SLC5A3: variants seen among roughly 807,000 people sequenced by gnomAD.
SLC5A3 encodes the protein sodium/myo-inositol cotransporter.
Under a neutral mutation model 43.2 loss-of-function variants are expected in SLC5A3, and 10 were observed. The observed-to-expected ratio is 0.23, with a 90% CI of 0.14 to 0.39. The LOEUF (loss-of-function observed/expected upper bound fraction) is 0.39. Among genes scored for constraint, SLC5A3 ranks in the 10% least tolerant of loss-of-function variants. SLC5A3 has a pLI of 1.00. For missense variants in SLC5A3, 608 were observed against 893.4 expected, an observed-to-expected ratio of 0.68 and a Z score of 4.07; for synonymous variants, 349 against 322.0, an observed-to-expected ratio of 1.08 and a Z score of -0.90.
At position 34,095,023 on chromosome 21, in the gene SLC5A3, T is replaced by C. The variant is rs553220818; in HGVS notation, c.-176T>C. On this transcript the variant is annotated 5_prime_UTR_variant, in exon 2 of 2. Coordinates refer to ENST00000381151, the MANE Select transcript of SLC5A3 (RefSeq NM_006933.7). ...AAATTTAAACTGTCTTCTTCAAAGT[T>C]TATCACAACCACCACCATCAAGACA... 137 of 739,086 alleles carry C rather than the reference T, an allele frequency of 1.9e-4. No homozygotes were observed. The highest frequency in any genetic ancestry group is 1.9e-4 in the Non-Finnish European group (90 of 484,534). The allele number at this position is 739,086 out of a possible 1,614,324, so 45.8% of individuals were successfully genotyped here.
Position 34,105,446 on chromosome 21 carries a change from TGTC to T in SLC5A3, c.*8092_*8094del. 2.0e-6 allele frequency: 2 copies of T among 999,090 alleles called. No homozygotes were observed. Among genetic ancestry groups the T allele is most frequent in the Non-Finnish European group, 2.4e-6 (2 of 829,028 alleles). 61.9% of individuals were successfully genotyped at this position (999,090 alleles called of 1,614,324 possible). A position where few individuals can be genotyped will look rare whatever the true frequency, so the allele number is the denominator to read the frequency against. ...TTCATTCATTTATTTTTAAGCCAAATGTCAGCAGAGTGCTGCTGCTTTTATCTA... is the reference window on the plus strand; with the variant it reads ...TTCATTCATTTATTTTTAAGCCAAATAGCAGAGTGCTGCTGCTTTTATCTA... On this transcript the variant is annotated 3_prime_UTR_variant, in exon 2 of 2. Transcript: ENST00000381151.
At chr21:34,077,682 C>T (rs143033418) in intron 1 of SLC5A3, among the ~76,000 whole-genome samples, 2,083 of 152,200 alleles carry the variant, frequency 0.014, 10 homozygotes, top group Non-Finnish European at 0.023. Flanking sequence ...TAATACTCAA[C>T]GCAGATTATA....
chr21:34,086,030 C>T (rs1052706576), intron 1 of SLC5A3, among the ~76,000 whole-genome samples: 5 of 152,198 alleles, frequency 3.3e-5, no homozygotes, highest in African/African-American at 1.2e-4. Flanking sequence ...GACTCTGAAT[C>T]TAAACAAGGT....
rs780598603 is a variant in SLC5A3 at position 34,098,490 on chromosome 21, A to G, written c.*1135A>G. The G allele has an allele frequency of 4.0e-6, 4 of 1,000,146 alleles. No homozygotes were observed. The highest frequency in any genetic ancestry group is 4.8e-6 in the Non-Finnish European group (4 of 829,980). 62.0% of individuals were successfully genotyped at this position (1,000,146 alleles called of 1,614,324 possible). On this transcript the variant is annotated 3_prime_UTR_variant, in exon 2 of 2. Transcript: ENST00000381151. The stretch of plus-strand genomic sequence containing the variant: ...TTTTTTTTTCCTCAAAAGACTTTCC[A>G]TCTGTACACAGCCTCTACATTTTTG...
Position 34,095,659 on chromosome 21 carries a change from T to C in SLC5A3, c.461T>C (p.Leu154Ser). Residue 154 changes from leucine (L) to serine (S), a missense_variant, in exon 2 of 2, where the codon TTG (leucine) becomes TCG (serine). By Grantham distance (145) the Leu-to-Ser change is moderately radical. Around this residue, in one of 2 missense-constraint regions of SLC5A3, gnomAD observed 398 missense variants for 668.6 expected, o/e 0.60. Transcript: ENST00000381151. ...GGTGCCCTTTTTATCCAGGAGTCTT[T>C]GGGTTGGAATCTTTATGTGTCTGTC... ...YSGALFIQES[L>S]GWNLYVSVIL... 1.2e-6 allele frequency: 2 copies of C among 1,613,718 alleles called. No individual in the cohort carries two copies. The highest frequency in any genetic ancestry group is 1.7e-6 in the Non-Finnish European group (2 of 1,179,890).
At chr21:34,088,064 A>G (rs1978487490) in intron 1 of SLC5A3, among the ~76,000 whole-genome samples, 1 of 152,200 alleles carries the variant, frequency 6.6e-6, no homozygotes, top group East Asian at 1.9e-4. Flanking sequence ...ACAACAGGCA[A>G]CTACAACACT....
At position 34,097,758 on chromosome 21, in the gene SLC5A3, C is replaced by G; in HGVS notation, c.*403C>G. The stretch of plus-strand genomic sequence containing the variant: ...CATTTCTAAATTTTTTTTTCTGTCT[C>G]TGTAATCCCTCCTACCATTAAGAAA... On this transcript the variant is annotated 3_prime_UTR_variant, in exon 2 of 2. Coordinates refer to ENST00000381151, the MANE Select transcript of SLC5A3 (RefSeq NM_006933.7). 1.0e-6 allele frequency: 1 copy of G among 1,004,082 alleles called. No homozygotes were observed. The highest frequency in any genetic ancestry group is 4.7e-5 in the South Asian group (1 of 21,476). 62.2% of individuals were successfully genotyped at this position (1,004,082 alleles called of 1,614,324 possible). A position where few individuals can be genotyped will look rare whatever the true frequency, so the allele number is the denominator to read the frequency against.
chr21:34,077,095 A>G (rs1989350425), intron 1 of SLC5A3, among the ~76,000 whole-genome samples: 1 of 152,086 alleles, frequency 6.6e-6, no homozygotes, highest in South Asian at 2.1e-4. Context: ...AGATGAGGAG[A>G]AGGGGTCATG....
Position 34,095,625 on chromosome 21 carries a change from C to T in SLC5A3, c.427C>T (p.Leu143=), listed in dbSNP as rs143944881. ...TATTTTCACCAAGCTCTCGGTGGAT[C>T]TGTATTCGGGTGCCCTTTTTATCCA... ...LYIFTKLSVD[L]YSGALFIQES... Residue 143 remains leucine, a synonymous_variant, in exon 2 of 2, where the codon CTG becomes TTG. Coordinates refer to ENST00000381151, the MANE Select transcript of SLC5A3 (RefSeq NM_006933.7). The T allele has an allele frequency of 9.0e-5, 145 of 1,610,768 alleles. 1 individual carries two copies. The highest frequency in any genetic ancestry group is 3.2e-4 in the South Asian group (29 of 90,748).
chr21:34,098,014 T>G lies in SLC5A3; in HGVS notation c.*659T>G. 1.0e-6 allele frequency: 1 copy of G among 999,332 alleles called. No homozygotes were observed. The highest frequency in any genetic ancestry group is 1.2e-6 in the Non-Finnish European group (1 of 829,722). The allele number at this position is 999,332 out of a possible 1,614,324, so 61.9% of individuals were successfully genotyped here. A position where few individuals can be genotyped will look rare whatever the true frequency, so the allele number is the denominator to read the frequency against. On this transcript the variant is annotated 3_prime_UTR_variant, in exon 2 of 2. Coordinates refer to ENST00000381151, the MANE Select transcript of SLC5A3 (RefSeq NM_006933.7). ...TTCCTTTTTTTTTTTCTTTCTACTT[T>G]CAAGTTTAAGTGAACCATACTGAAA...
Position 34,095,749 on chromosome 21 carries a change from C to T in SLC5A3, c.551C>T (p.Thr184Ile). ...VTGGLVAVIY[T>I]DTLQALLMII... ...GGAGGCCTTGTTGCAGTGATCTACA[C>T]AGACACTCTGCAGGCTCTGCTCATG... Residue 184 changes from threonine to isoleucine, a missense_variant, in exon 2 of 2, where the codon ACA becomes ATA. Thr to Ile is a moderately conservative substitution (Grantham distance 89). Coordinates refer to ENST00000381151, the MANE Select transcript of SLC5A3 (RefSeq NM_006933.7). 1 of 1,614,036 alleles carries T rather than the reference C, an allele frequency of 6.2e-7. No homozygotes were observed. The highest frequency in any genetic ancestry group is 8.5e-7 in the Non-Finnish European group (1 of 1,179,972).
At position 34,099,183 on chromosome 21, in the gene SLC5A3, C is replaced by G; in HGVS notation, c.*1828C>G. On this transcript the variant is annotated 3_prime_UTR_variant, in exon 2 of 2. Coordinates refer to ENST00000381151, the MANE Select transcript of SLC5A3 (RefSeq NM_006933.7). ...ATGTATTTCTGAAGAGCTTAGAGTG[C>G]CTTGTAGAATTTTTTTCTCAATTTT... The G allele has an allele frequency of 1.0e-6, 1 of 999,280 alleles. No individual in the cohort carries two copies. The allele number at this position is 999,280 out of a possible 1,614,324, so 61.9% of individuals were successfully genotyped here.
In SLC5A3 at chr21:34,105,704, A is replaced by G; in HGVS notation, c.*8349A>G. ...ATTTTGTTATTAGTGAGTTTTTTGAATTGTAAATGGATTTCCAGTTTACCT... is the reference window on the plus strand; with the variant it reads ...ATTTTGTTATTAGTGAGTTTTTTGAGTTGTAAATGGATTTCCAGTTTACCT... On this transcript the variant is annotated 3_prime_UTR_variant, in exon 2 of 2. Transcript: ENST00000381151. 6.0e-6 allele frequency: 6 copies of G among 998,684 alleles called. No individual in the cohort carries two copies. The highest frequency in any genetic ancestry group is 5.2e-4 in the Middle Eastern group (1 of 1,916). 61.9% of individuals were successfully genotyped at this position (998,684 alleles called of 1,614,324 possible).
At position 34,098,813 on chromosome 21, in the gene SLC5A3, T is replaced by C; in HGVS notation, c.*1458T>C. 1.0e-6 allele frequency: 1 copy of C among 999,860 alleles called. No homozygotes were observed. The highest frequency in any genetic ancestry group is 1.7e-5 in the African/African-American group (1 of 57,364). 61.9% of individuals were successfully genotyped at this position (999,860 alleles called of 1,614,324 possible). ...GCTCTACAGATTACGTACTTCTGTG[T>C]CTTCGTATGCTCAACACTGTCCTTT... On this transcript the variant is annotated 3_prime_UTR_variant, in exon 2 of 2. Coordinates refer to ENST00000381151, the MANE Select transcript of SLC5A3 (RefSeq NM_006933.7).
At position 34,097,698 on chromosome 21, in the gene SLC5A3, C is replaced by T; in HGVS notation, c.*343C>T. ...AGGTATACTGTCTGCACTGCCAAGT[C>T]TTGGCAGACCTTACCCTGAAGTAGA... is the stretch of plus-strand genomic sequence containing the variant. On this transcript the variant is annotated 3_prime_UTR_variant, in exon 2 of 2. Transcript: ENST00000381151. 1 of 1,018,422 alleles carries T rather than the reference C, an allele frequency of 9.8e-7. No individual in the cohort carries two copies. The highest frequency in any genetic ancestry group is 5.0e-4 in the Middle Eastern group (1 of 1,994). The allele number at this position is 1,018,422 out of a possible 1,614,324, so 63.1% of individuals were successfully genotyped here.
chr21:34,085,600 C>CTTTTT (rs56135810), intron 1 of SLC5A3, among the ~76,000 whole-genome samples: 2 of 130,270 alleles, frequency 1.5e-5, no homozygotes, highest in Non-Finnish European at 1.6e-5. Context: ...GAAATAAGGA[C>CTTTTT]TTTTTTTTTT....
At chr21:34,076,000 C>G (rs1989321069) in intron 1 of SLC5A3, among the ~76,000 whole-genome samples, 1 of 152,182 alleles carries the variant, frequency 6.6e-6, no homozygotes, top group African/African-American at 2.4e-5. Context: ...CTCCTCAGTT[C>G]AAAGTTGCGT....
At chr21:34,077,123 C>G (rs1989351082) in intron 1 of SLC5A3, among the ~76,000 whole-genome samples, 1 of 152,150 alleles carries the variant, frequency 6.6e-6, no homozygotes, top group African/African-American at 2.4e-5. Context: ...TGAGTGAGCT[C>G]TCTTGTGAGT....
intron 1 of SLC5A3, among the ~76,000 whole-genome samples, chr21:34,083,758 A>G (rs1989509966): frequency 6.6e-6 from 1 of 152,196 alleles, no homozygotes. Flanking sequence ...TGCCATTCTC[A>G]TGTGTGGACT....
Sources: allele counts gnomAD v4.1 joint callset (sites outside exome capture counted in the v4.1 genomes callset), GRCh38; gene constraint gnomAD v4.1.1; regional missense constraint gnomAD v4.1.1; transcripts MANE v1.5; gene names NCBI Gene and HGNC (gene_info 2026-07-23, HGNC 2026-07-21).